The following ANO2 variants were observed in gnomAD, a reference collection of about 807,000 sequenced individuals.
ANO2 encodes the protein anoctamin-2.
In ANO2, 101 loss-of-function variants were observed where a neutral mutation model predicts 124.2. The observed-to-expected ratio is 0.81, with a 90% CI of 0.69 to 0.96. The LOEUF (loss-of-function observed/expected upper bound fraction) is 0.96, where lower values mean the gene tolerates loss of function less well. ANO2 is among the 40% of genes least tolerant of loss of function. The pLI, the probability that ANO2 is intolerant of heterozygous loss-of-function variation, is 0.00. For synonymous variants in ANO2, 486 were observed against 482.5 expected (o/e 1.01, Z -0.09); for missense variants, 1,293 against 1,274.5 (o/e 1.01, Z -0.22).
chr12:5,644,338 G>A (rs1946528777), intron 15 of ANO2, among the ~76,000 whole-genome samples: 2 of 152,082 alleles, frequency 1.3e-5, no homozygotes, highest in Admixed American at 6.5e-5. Context: ...TTTCTATTTT[G>A]TTCCATTGGT....
intron 7 of ANO2, among the ~76,000 whole-genome samples, chr12:5,814,305 T>C (rs1591648264): frequency 6.6e-6 from 1 of 152,250 alleles, no homozygotes; most frequent in East Asian, 1.9e-4. Context: ...CCACCTTGAA[T>C]TACCCTAATT....
At position 5,567,801 on chromosome 12, in the gene ANO2, T is replaced by C. The variant is rs546433311; in HGVS notation, c.2622-2138A>G. Among the ~76,000 whole-genome samples the C allele has an allele frequency of 2.0e-5, 3 of 152,322 alleles. No individual in the cohort carries two copies. In the South Asian group the frequency reaches 6.2e-4, roughly 32 times the overall value. On this transcript the variant is annotated intron_variant, in intron 23 of 24. Transcript: ENST00000682330. ...AAGTTTAACAAGCATATCCATCTAA[T>C]TGAGGATCTGCAGAAAGACTAACAC...
chr12:5,909,093 A>T (rs892002019), intron 3 of ANO2, among the ~76,000 whole-genome samples: 1 of 152,224 alleles, frequency 6.6e-6, no homozygotes, highest in African/African-American at 2.4e-5. Context: ...AAGATCCTTT[A>T]CAAAGGTTCT....
chr12:5,616,297 T>G (rs1944804259), intron 16 of ANO2, among the ~76,000 whole-genome samples: 1 of 152,176 alleles, frequency 6.6e-6, no homozygotes, highest in African/African-American at 2.4e-5. Context: ...GTCTTTTGGC[T>G]TATAGACAGC....
intron 20 of ANO2, among the ~76,000 whole-genome samples, chr12:5,587,109 C>T (rs1036475549): frequency 6.6e-6 from 1 of 152,176 alleles, no homozygotes; most frequent in East Asian, 1.9e-4. Context: ...GTCCTCACTA[C>T]AGGATCACTT....
chr12:5,750,769 G>A (rs936264945), intron 11 of ANO2, 67 bp downstream of exon 11: 3 of 1,516,776 alleles, frequency 2.0e-6, no homozygotes, highest in Non-Finnish European at 9.0e-7. Context: ...AAATGTACTT[G>A]TACTGGGATG....
intron 1 of ANO2, among the ~76,000 whole-genome samples, chr12:5,930,467 G>A (rs929393427): frequency 2.8e-4 from 43 of 152,132 alleles, no homozygotes; most frequent in African/African-American, 6.0e-4. Flanking sequence ...GTGCGGACTC[G>A]ATCAGGAAAG....
At chr12:5,622,996 G>A (rs1436120723) in intron 16 of ANO2, among the ~76,000 whole-genome samples, 1 of 151,654 alleles carries the variant, frequency 6.6e-6, no homozygotes, top group East Asian at 1.9e-4. Flanking sequence ...GAAAAGAAAG[G>A]AAGGAAAGAA....
chr12:5,915,986 A>G (rs980614174), intron 3 of ANO2, among the ~76,000 whole-genome samples: 7 of 152,094 alleles, frequency 4.6e-5, no homozygotes, highest in African/African-American at 1.7e-4. Flanking sequence ...CATTAAAATA[A>G]TGGAGTCTGG....
intron 23 of ANO2, among the ~76,000 whole-genome samples, chr12:5,566,010 T>C (rs1941727357): frequency 6.6e-6 from 1 of 152,162 alleles, no homozygotes; most frequent in Non-Finnish European, 1.5e-5. Context: ...GGCCTCCCAC[T>C]AGCCTGTGGC....
chr12:5,629,252 C>T (rs1035117558), intron 16 of ANO2, among the ~76,000 whole-genome samples: 1 of 152,218 alleles, frequency 6.6e-6, no homozygotes, highest in Non-Finnish European at 1.5e-5. Flanking sequence ...AGCAAGCCAA[C>T]AGCATTTTGA....
At position 5,839,111 on chromosome 12, in the gene ANO2, A is replaced by G. The variant is rs557903034; in HGVS notation, c.634-6508T>C. Among the ~76,000 whole-genome samples, 7 of 152,314 alleles carry G rather than the reference A, an allele frequency of 4.6e-5. No homozygotes were observed. In the South Asian group the frequency reaches 8.3e-4, roughly 18 times the overall value. On this transcript the variant is annotated intron_variant, in intron 4 of 24. Coordinates refer to ENST00000682330, the MANE Select transcript of ANO2 (RefSeq NM_001364791.2). ...AAGGCAGTGATCCCTGAGAGATGGGAGACAGACAAGGGGAGCCCTGTGAGT... is the reference window on the plus strand; with the variant it reads ...AAGGCAGTGATCCCTGAGAGATGGGGGACAGACAAGGGGAGCCCTGTGAGT...
chr12:5,839,489 G>C, intron 4 of ANO2: 2 of 435,130 alleles, frequency 4.6e-6, no homozygotes, highest in South Asian at 3.3e-5. Context: ...AATTATAAAA[G>C]AGAGAACTGG....
chr12:5,903,023 A>G (rs1420771708), intron 3 of ANO2, among the ~76,000 whole-genome samples: 2 of 151,332 alleles, frequency 1.3e-5, no homozygotes, highest in Non-Finnish European at 2.9e-5. Context: ...GGTGAGGTAT[A>G]TGACATGGGG....
intron 3 of ANO2, among the ~76,000 whole-genome samples, chr12:5,863,034 G>C (rs1323980937): frequency 6.6e-6 from 1 of 152,050 alleles, no homozygotes; most frequent in African/African-American, 2.4e-5. Flanking sequence ...ATTCTCTCTT[G>C]TCTGCTGCCA....
In ANO2 at chr12:5,769,577, G is replaced by T. The variant is rs1256905752; in HGVS notation, c.1056-18607C>A. Among the ~76,000 whole-genome samples, 1 of 152,144 alleles carries T rather than the reference G, an allele frequency of 6.6e-6. No individual in the cohort carries two copies. The highest frequency in any genetic ancestry group is 2.4e-5 in the African/African-American group (1 of 41,426). ...ATCCTCATCTGAATCCAAGAGAAAC[G>T]GTAAAGGCAAGTCCTGATTCCAGGT... On this transcript the variant is annotated intron_variant, in intron 10 of 24. Coordinates refer to ENST00000682330, the MANE Select transcript of ANO2 (RefSeq NM_001364791.2). This position sits in a 1 kb window ranked among gnomAD's most constrained non-coding sequence, Gnocchi z 4.0.
intron 20 of ANO2, among the ~76,000 whole-genome samples, chr12:5,582,274 A>G (rs1942796049): frequency 6.6e-6 from 1 of 152,216 alleles, no homozygotes; most frequent in African/African-American, 2.4e-5. Flanking sequence ...CCTGCTGTAA[A>G]ATGCTCCAGT....
chr12:5,930,283 G>C (rs563490180), intron 1 of ANO2, among the ~76,000 whole-genome samples: 3 of 152,208 alleles, frequency 2.0e-5, no homozygotes, highest in Admixed American at 1.3e-4. Context: ...AAATGGGTCT[G>C]CAATGAACGA....
intron 20 of ANO2, among the ~76,000 whole-genome samples, chr12:5,595,381 C>A (rs1182333009): frequency 1.3e-5 from 2 of 150,106 alleles, no homozygotes; most frequent in African/African-American, 4.9e-5. Context: ...TTTTTCTTTT[C>A]TTTTCTTTTC....
Sources: allele counts gnomAD v4.1 joint callset (sites outside exome capture counted in the v4.1 genomes callset), GRCh38; gene constraint gnomAD v4.1.1; non-coding constraint Gnocchi (gnomAD v3.1); transcripts MANE v1.5; gene names NCBI Gene and HGNC (gene_info 2026-07-23, HGNC 2026-07-21).